Variants in COTL1 observed in about 807,000 individuals in gnomAD.
COTL1 encodes coactosin like F-actin binding protein 1.
In COTL1, 15 loss-of-function variants were observed where a neutral mutation model predicts 16.5. The observed-to-expected ratio is 0.91, with a 90% CI of 0.61 to 1.40. The LOEUF (loss-of-function observed/expected upper bound fraction) is 1.40. COTL1 is among the 40% of genes most tolerant of loss of function. The pLI is 0.00. For missense variants in COTL1, 220 were observed against 201.5 expected (o/e 1.09, Z -0.56); for synonymous variants, 112 against 85.3 (o/e 1.31, Z -1.73).
At chr16:84,608,490 C>T (rs1905256473) in intron 2 of COTL1, among the ~76,000 whole-genome samples, 1 of 152,220 alleles carries the variant, frequency 6.6e-6, no homozygotes, top group African/African-American at 2.4e-5. Context: ...CACAAAAAAG[C>T]TATGCAGCGT....
chr16:84,566,694 T>C lies in COTL1; in HGVS notation c.*151A>G, dbSNP rs1597163935. 1.7e-6 allele frequency: 1 copy of C among 598,064 alleles called. No individual in the cohort carries two copies. The highest frequency in any genetic ancestry group is 3.0e-5 in the Admixed American group (1 of 33,728). 37.0% of individuals were successfully genotyped at this position (598,064 alleles called of 1,614,324 possible). ...CAGGGTTCTAAGGGAAGCGGGAAGG[T>C]GGGGGCTGTGGACACAGGGTGGCGG... On this transcript the variant is annotated 3_prime_UTR_variant, in exon 4 of 4. Transcript: ENST00000262428.
intron 2 of COTL1, among the ~76,000 whole-genome samples, chr16:84,616,995 A>G (rs1905503184): frequency 6.6e-6 from 1 of 152,266 alleles, no homozygotes; most frequent in Non-Finnish European, 1.5e-5. Context: ...AAATGGAATC[A>G]TATGGTGTGT....
chr16:84,566,804 G>A lies in COTL1; in HGVS notation c.*41C>T, dbSNP rs1356027364. On this transcript the variant is annotated 3_prime_UTR_variant, in exon 4 of 4. Coordinates refer to ENST00000262428, the MANE Select transcript of COTL1 (RefSeq NM_021149.5). ...GGCGGTCCTCTCCCCCGGGGAGCAGGCAGATGACTTTGGCAAGGGGTGGTG... is the reference window on the plus strand; with the variant it reads ...GGCGGTCCTCTCCCCCGGGGAGCAGACAGATGACTTTGGCAAGGGGTGGTG... The A allele has an allele frequency of 2.2e-6, 3 of 1,383,556 alleles. No individual in the cohort carries two copies. The highest frequency in any genetic ancestry group is 1.2e-5 in the South Asian group (1 of 85,928). 85.7% of individuals were successfully genotyped at this position (1,383,556 alleles called of 1,614,324 possible).
rs564816742 is a variant in COTL1 at position 84,574,497 on chromosome 16, G to A, written c.319-7542C>T. 3.2e-4 allele frequency among the ~76,000 whole-genome samples: 48 copies of A among 152,350 alleles called. No homozygotes were observed. In the Middle Eastern group the frequency reaches 0.014, roughly 43 times the overall value. On this transcript the variant is annotated intron_variant, in intron 3 of 3. Transcript: ENST00000262428. ...TTGCCAAAGCAGGATTTTCTTCCAA[G>A]GGCCTCATCCGACGAAGTCTCACTC...
chr16:84,614,879 C>A (rs1905430977), intron 2 of COTL1, among the ~76,000 whole-genome samples: 2 of 152,178 alleles, frequency 1.3e-5, no homozygotes, highest in Non-Finnish European at 2.9e-5. Context: ...CCAAGAGCAC[C>A]TGCCCCGAGC....
intron 2 of COTL1, among the ~76,000 whole-genome samples, chr16:84,591,406 G>C (rs904376291): frequency 6.6e-6 from 1 of 151,298 alleles, no homozygotes; most frequent in African/African-American, 2.4e-5. Flanking sequence ...GATGAATCTT[G>C]ATCTCCTGAC....
At position 84,617,911 on chromosome 16, in the gene COTL1, C is replaced by T; in HGVS notation, c.4G>A (p.Ala2Thr). The T allele has an allele frequency of 1.3e-6, 2 of 1,554,864 alleles. No homozygotes were observed. Among genetic ancestry groups the T allele is most frequent in the Admixed American group, 3.9e-5 (2 of 51,382 alleles). The change falls in exon 1 of 4, where the codon GCC (alanine) becomes ACC (threonine). Residue 2 changes from alanine to threonine, a missense_variant. Ala to Thr is a moderately conservative substitution (Grantham distance 58). Coordinates refer to ENST00000262428, the MANE Select transcript of COTL1 (RefSeq NM_021149.5). ...CAAGCCTCTTTGTCGATCTTGGTGGCCATCGCCGCGGAGCCGCAGCGGGAC... is the reference window on the plus strand; with the variant it reads ...CAAGCCTCTTTGTCGATCTTGGTGGTCATCGCCGCGGAGCCGCAGCGGGAC... M[A>T]TKIDKEACRA...
At chr16:84,570,406 A>G (rs905161109) in intron 3 of COTL1, among the ~76,000 whole-genome samples, 14 of 152,208 alleles carry the variant, frequency 9.2e-5, no homozygotes, top group Admixed American at 4.6e-4. Flanking sequence ...CAAGCAAAAC[A>G]GACAGCAGAT....
At chr16:84,571,232 G>A (rs1347339372) in intron 3 of COTL1, among the ~76,000 whole-genome samples, 2 of 152,084 alleles carry the variant, frequency 1.3e-5, no homozygotes, top group Non-Finnish European at 2.9e-5. Context: ...CCGCGTGACT[G>A]CCAAGGTGTA....
chr16:84,617,840 G>C lies in COTL1; in HGVS notation c.75C>G (p.Ile25Met), dbSNP rs1169792449. The part of the protein sequence containing the change: ...NLVRDDGSAV[I>M]WVTFKYDGST... ...GGAGACGAATGAAAAGTTCCTACCA[G>C]ATGACGGCCGAGCCGTCGTCGCGCA... The change falls in exon 1 of 4, where the codon ATC (isoleucine) becomes ATG (methionine). Residue 25 changes from isoleucine (I) to methionine (M), a missense_variant and splice_region_variant. Transcript: ENST00000262428. 6.4e-7 allele frequency: 1 copy of C among 1,572,584 alleles called. No homozygotes were observed. The highest frequency in any genetic ancestry group is 1.9e-5 in the Admixed American group (1 of 52,922).
rs539185234 is a variant in COTL1, at chr16:84,603,342, G to A, written c.161-13080C>T. The stretch of plus-strand genomic sequence containing the variant: ...CCTCTTCCCAAAGGACTGAGGCAAC[G>A]AAGTGTGACTCAGCCAGGGCTCTGC... On this transcript the variant is annotated intron_variant, in intron 2 of 3. Transcript: ENST00000262428. Among the ~76,000 whole-genome samples the A allele has an allele frequency of 4.6e-5, 7 of 152,314 alleles. No homozygotes were observed. The East Asian group carries it at 9.7e-4, about 21-fold the overall frequency.
At chr16:84,609,944 A>C (rs1352908874) in intron 2 of COTL1, among the ~76,000 whole-genome samples, 1 of 152,198 alleles carries the variant, frequency 6.6e-6, no homozygotes, top group Non-Finnish European at 1.5e-5. Flanking sequence ...TCTTCATAGC[A>C]GCGTGAGAAG....
At position 84,566,547 on chromosome 16, in the gene COTL1, G is replaced by A. The variant is rs764413495; in HGVS notation, c.*298C>T. ...AAGGGGTCACTGCAGGAGGCACCTC[G>A]GATCTGATGGCAGGCAGGACCTTGC... On this transcript the variant is annotated 3_prime_UTR_variant, in exon 4 of 4. Coordinates refer to ENST00000262428, the MANE Select transcript of COTL1 (RefSeq NM_021149.5). The A allele has an allele frequency of 8.2e-5, 26 of 318,242 alleles. No individual in the cohort carries two copies. The highest frequency in any genetic ancestry group is 2.9e-4 in the Admixed American group (6 of 20,714). The allele number at this position is 318,242 out of a possible 1,614,324, so 19.7% of individuals were successfully genotyped here.
Position 84,566,745 on chromosome 16 carries a change from T to C in COTL1, c.*100A>G. 1.3e-6 allele frequency: 1 copy of C among 767,390 alleles called. No individual in the cohort carries two copies. The highest frequency in any genetic ancestry group is 1.6e-5 in the South Asian group (1 of 61,172). The allele number at this position is 767,390 out of a possible 1,614,324, so 47.5% of individuals were successfully genotyped here. ...GCGCTGCCTCTCATGGCTTCTTTTCTCCCTGGTGGGCTGGTGGGCTAGTAG... is the reference window on the plus strand; with the variant it reads ...GCGCTGCCTCTCATGGCTTCTTTTCCCCCTGGTGGGCTGGTGGGCTAGTAG... On this transcript the variant is annotated 3_prime_UTR_variant, in exon 4 of 4. Transcript: ENST00000262428.
intron 2 of COTL1, among the ~76,000 whole-genome samples, chr16:84,592,736 G>A (rs1311670705): frequency 6.6e-6 from 1 of 152,184 alleles, no homozygotes; most frequent in African/African-American, 2.4e-5. Context: ...CTGGCCTGCA[G>A]CTGACAAGCT....
intron 2 of COTL1, among the ~76,000 whole-genome samples, chr16:84,598,862 G>A (rs1905059590): frequency 6.6e-6 from 1 of 151,434 alleles, no homozygotes. Context: ...GCGGGGTCGG[G>A]GGTGATCAGG....
chr16:84,577,284 G>A (rs1241591664), intron 3 of COTL1, among the ~76,000 whole-genome samples: 1 of 152,156 alleles, frequency 6.6e-6, no homozygotes, highest in African/African-American at 2.4e-5. Flanking sequence ...TTGCTCCACT[G>A]CCCAGTCTGG....
At chr16:84,572,715 G>C (rs762817616) in intron 3 of COTL1, among the ~76,000 whole-genome samples, 1 of 151,852 alleles carries the variant, frequency 6.6e-6, no homozygotes, top group Non-Finnish European at 1.5e-5. Context: ...ACCCATCTTG[G>C]CCTCCCAAAG....
In COTL1 at chr16:84,567,165, T is replaced by G. The variant is rs376969436; in HGVS notation, c.319-210A>C. On this transcript the variant is annotated intron_variant, in intron 3 of 3. Coordinates refer to ENST00000262428, the MANE Select transcript of COTL1 (RefSeq NM_021149.5). ...AGTCATCTGGCAGAAAAAACCTGAC[T>G]GGGAGGAGGGAGTGGGGCAGATCTG... is the stretch of plus-strand genomic sequence containing the variant. The G allele has an allele frequency of 1.6e-4, 81 of 521,722 alleles. No homozygotes were observed. In the East Asian group the frequency reaches 1.7e-3, roughly 11 times the overall value. 32.3% of individuals were successfully genotyped at this position (521,722 alleles called of 1,614,324 possible).
Sources: gnomAD v4.1 joint callset for allele counts (sites outside exome capture counted in the v4.1 genomes callset) on GRCh38, gnomAD v4.1.1 for gene constraint, MANE v1.5 for transcripts, NCBI Gene and HGNC (gene_info 2026-07-23, HGNC 2026-07-21) for gene names.